The following TNPO2 variants were observed in gnomAD, a reference collection of about 807,000 sequenced individuals.
TNPO2 encodes the protein transportin 2.
Under a neutral mutation model 111.1 loss-of-function variants are expected in TNPO2, and 16 were observed. The observed-to-expected ratio is 0.14, with a 90% CI of 0.10 to 0.22. TNPO2 has a LOEUF of 0.22. Among genes scored for constraint, TNPO2 ranks in the 10% least tolerant of loss-of-function variants. The pLI is 1.00. For synonymous variants in TNPO2, 481 were observed against 475.8 expected (o/e 1.01, Z -0.14); for missense variants, 530 against 1,173.7 (o/e 0.45, Z 8.01).
chr19:12,702,381 C>CT lies in TNPO2; in HGVS notation c.2306-205dup. 1.4e-6 allele frequency: 1 copy of CT among 691,300 alleles called. No individual in the cohort carries two copies. Among genetic ancestry groups the CT allele is most frequent in the Non-Finnish European group, 2.6e-6 (1 of 379,282 alleles). The allele number at this position is 691,300 out of a possible 1,614,324, so 42.8% of individuals were successfully genotyped here. A position where few individuals can be genotyped will look rare whatever the true frequency, so the allele number is the denominator to read the frequency against. On this transcript the variant is annotated intron_variant, in intron 21 of 25. Coordinates refer to ENST00000425528, the MANE Select transcript of TNPO2 (RefSeq NM_001382241.1). The surrounding 1 kb of genome is among the most constrained non-coding windows in gnomAD (Gnocchi z 5.5). ...TCTTTCTTTCTTTCCTTTCCCTTTC[C>CT]TTTTTGTTTTTTTTTGTTTTGTTTT...
chr19:12,707,822 A>T (rs563557300), intron 13 of TNPO2, among the ~76,000 whole-genome samples: 109 of 148,494 alleles, frequency 7.3e-4, no homozygotes, highest in African/African-American at 2.6e-3. Context: ...TTTTTAATTT[A>T]TTATTATTAT....
In TNPO2 at chr19:12,703,707, G is replaced by A; in HGVS notation, c.2110+7C>T. ...GTCATGGGTTAGGGACAAGGCGAGT[G>A]TCGTACCGATACAGGGCTTGACATG... On this transcript the variant is annotated splice_region_variant and intron_variant, in intron 19 of 25. Transcript: ENST00000425528. 5.6e-6 allele frequency: 9 copies of A among 1,607,302 alleles called. No individual in the cohort carries two copies. The highest frequency in any genetic ancestry group is 7.6e-6 in the Non-Finnish European group (9 of 1,176,768).
rs1372835943 is a variant in TNPO2 at position 12,702,458 on chromosome 19, G to T, written c.2306-281C>A. ...TGCCCAGGCTGGAGTGCAGTGGCAT[G>T]ATCTTGGCTCATTGCAACCTGCCTC... On this transcript the variant is annotated intron_variant, in intron 21 of 25. Transcript: ENST00000425528. The surrounding 1 kb of genome is among the most constrained non-coding windows in gnomAD (Gnocchi z 5.5). The T allele has an allele frequency of 1.5e-4, 92 of 600,182 alleles. No individual in the cohort carries two copies. Among genetic ancestry groups the T allele is most frequent in the Non-Finnish European group, 2.0e-4 (66 of 327,840 alleles). 37.2% of individuals were successfully genotyped at this position (600,182 alleles called of 1,614,324 possible).
intron 10 of TNPO2, among the ~76,000 whole-genome samples, chr19:12,712,250 GCCCGTTA>G (rs2026101168): frequency 6.6e-6 from 1 of 152,196 alleles, no homozygotes; most frequent in African/African-American, 2.4e-5. Flanking sequence ...CTGGGAAGAC[GCCCGTTA>G]CCAGGCGGAT....
intron 13 of TNPO2, 125 bp downstream of exon 13, chr19:12,710,496 C>T (rs2025973778): frequency 8.6e-7 from 1 of 1,165,338 alleles, no homozygotes; most frequent in Admixed American, 2.8e-5. Context: ...GAATTGAGAT[C>T]TCAGAGCTGT....
chr19:12,701,916 T>C lies in TNPO2; in HGVS notation c.2412-65A>G. 2.7e-6 allele frequency: 4 copies of C among 1,487,384 alleles called. No individual in the cohort carries two copies. The highest frequency in any genetic ancestry group is 3.7e-6 in the Non-Finnish European group (4 of 1,067,494). The allele number at this position is 1,487,384 out of a possible 1,614,324, so 92.1% of individuals were successfully genotyped here. A position where few individuals can be genotyped will look rare whatever the true frequency, so the allele number is the denominator to read the frequency against. On this transcript the variant is annotated intron_variant, in intron 22 of 25. Coordinates refer to ENST00000425528, the MANE Select transcript of TNPO2 (RefSeq NM_001382241.1). The surrounding 1 kb of genome is among the most constrained non-coding windows in gnomAD (Gnocchi z 5.0). The stretch of plus-strand genomic sequence containing the variant: ...GGGCATGCATCTGTGGAGGGCTGGG[T>C]CACTGGGGATCAGTGAGTGGGCCTG...
In TNPO2 at chr19:12,719,466, A is replaced by C. The variant is rs1425315215; in HGVS notation, c.100-130T>G. 1 of 757,254 alleles carries C rather than the reference A, an allele frequency of 1.3e-6. No individual in the cohort carries two copies. Among genetic ancestry groups the C allele is most frequent in the African/African-American group, 1.7e-5 (1 of 57,624 alleles). The allele number at this position is 757,254 out of a possible 1,614,324, so 46.9% of individuals were successfully genotyped here. A position where few individuals can be genotyped will look rare whatever the true frequency, so the allele number is the denominator to read the frequency against. ...TCCTGGGGGATCCCGCTCCCTAATA[A>C]GCCCACAATGACACAGAGCACCTCA... On this transcript the variant is annotated intron_variant, in intron 3 of 25. Coordinates refer to ENST00000425528, the MANE Select transcript of TNPO2 (RefSeq NM_001382241.1). The surrounding 1 kb of genome is among the most constrained non-coding windows in gnomAD (Gnocchi z 5.0).
rs2026022399 is a variant in TNPO2 at position 12,711,200 on chromosome 19, AGCTT to A, written c.1117+92_1117+95del. 1.5e-5 allele frequency: 22 copies of A among 1,506,822 alleles called. 1 individual carries two copies. The South Asian group carries it at 2.5e-4, about 17-fold the overall frequency. The allele number at this position is 1,506,822 out of a possible 1,614,324, so 93.3% of individuals were successfully genotyped here. A position where few individuals can be genotyped will look rare whatever the true frequency, so the allele number is the denominator to read the frequency against. On this transcript the variant is annotated intron_variant, in intron 12 of 25. Coordinates refer to ENST00000425528, the MANE Select transcript of TNPO2 (RefSeq NM_001382241.1). ...TAAGCCACTGCGCCCGGCCACGATC[AGCTT>A]CTAATCAGCTTCTGCCTCAGCTTCT...
At position 12,715,164 on chromosome 19, in the gene TNPO2, T is replaced by C. The variant is rs772845025; in HGVS notation, c.654A>G (p.Leu218=). ...MDNIDTFIEH[L]FALAVDDDPE... ...GGTCATCATCCACAGCCAGGGCAAA[T>C]AGGTGCTGCAGGGAGGAACAGGGTC... The change falls in exon 9 of 26, where the codon CTA becomes CTG. Residue 218 remains leucine, a synonymous_variant. Coordinates refer to ENST00000425528, the MANE Select transcript of TNPO2 (RefSeq NM_001382241.1). The surrounding 1 kb of genome is among the most constrained non-coding windows in gnomAD (Gnocchi z 7.1). 23 of 1,609,552 alleles carry C rather than the reference T, an allele frequency of 1.4e-5. No homozygotes were observed. Among genetic ancestry groups the C allele is most frequent in the Non-Finnish European group, 1.9e-5 (22 of 1,176,922 alleles).
chr19:12,706,432 A>C lies in TNPO2; in HGVS notation c.1497-65T>G. ...TGGCAGGTGACACTGGGCCATGGGCAGTTGGGGAGGGCAACTCAGGATCAG... is the reference window on the plus strand; with the variant it reads ...TGGCAGGTGACACTGGGCCATGGGCCGTTGGGGAGGGCAACTCAGGATCAG... On this transcript the variant is annotated intron_variant, in intron 14 of 25. Coordinates refer to ENST00000425528, the MANE Select transcript of TNPO2 (RefSeq NM_001382241.1). This position sits in a 1 kb window ranked among gnomAD's most constrained non-coding sequence, Gnocchi z 7.0. 1 of 1,602,716 alleles carries C rather than the reference A, an allele frequency of 6.2e-7. No individual in the cohort carries two copies. The highest frequency in any genetic ancestry group is 8.5e-7 in the Non-Finnish European group (1 of 1,170,154).
In TNPO2 at chr19:12,719,379, C is replaced by G. The variant is rs45603335; in HGVS notation, c.100-43G>C. 1.9e-6 allele frequency: 3 copies of G among 1,556,782 alleles called. No homozygotes were observed. The highest frequency in any genetic ancestry group is 1.7e-5 in the Admixed American group (1 of 58,720). On this transcript the variant is annotated intron_variant, in intron 3 of 25. Coordinates refer to ENST00000425528, the MANE Select transcript of TNPO2 (RefSeq NM_001382241.1). This position sits in a 1 kb window ranked among gnomAD's most constrained non-coding sequence, Gnocchi z 5.0. ...GACTTGGAAGACAGAGGCCTTCCCCCAGCCAGGTCCCCTCATTATGTACCT... is the reference window on the plus strand; with the variant it reads ...GACTTGGAAGACAGAGGCCTTCCCCGAGCCAGGTCCCCTCATTATGTACCT...
Position 12,701,993 on chromosome 19 carries a change from G to A in TNPO2, c.2411+79C>T, listed in dbSNP as rs2025339461. 13 of 1,481,648 alleles carry A rather than the reference G, an allele frequency of 8.8e-6. No homozygotes were observed. Among genetic ancestry groups the A allele is most frequent in the Non-Finnish European group, 1.2e-5 (13 of 1,061,230 alleles). The allele number at this position is 1,481,648 out of a possible 1,614,324, so 91.8% of individuals were successfully genotyped here. A position where few individuals can be genotyped will look rare whatever the true frequency, so the allele number is the denominator to read the frequency against. On this transcript the variant is annotated intron_variant, in intron 22 of 25. Coordinates refer to ENST00000425528, the MANE Select transcript of TNPO2 (RefSeq NM_001382241.1). The surrounding 1 kb of genome is among the most constrained non-coding windows in gnomAD (Gnocchi z 5.0). Reference sequence around the variant, plus strand: ...GGGCAGGGAGTCAGTAGGCAGATGGGGCTGGAAATGCACAGGCGAGGGAGG... The same window carrying A: ...GGGCAGGGAGTCAGTAGGCAGATGGAGCTGGAAATGCACAGGCGAGGGAGG...
In TNPO2 at chr19:12,706,807, G is replaced by A. The variant is rs369106958; in HGVS notation, c.1271-12C>T. Reference sequence around the variant, plus strand: ...GCCCTGCATGCAGCCTACAAGGAAAGGGAACCAAGAGGGGGCAGTTTGATT... The same window carrying A: ...GCCCTGCATGCAGCCTACAAGGAAAAGGAACCAAGAGGGGGCAGTTTGATT... On this transcript the variant is annotated splice_polypyrimidine_tract_variant and intron_variant, in intron 13 of 25. Transcript: ENST00000425528. This position sits in a 1 kb window ranked among gnomAD's most constrained non-coding sequence, Gnocchi z 7.0. 2.9e-5 allele frequency: 46 copies of A among 1,590,778 alleles called. No individual in the cohort carries two copies. The East Asian group carries it at 6.0e-4, about 21-fold the overall frequency.
chr19:12,711,741 C>A (rs2026061284), intron 10 of TNPO2, 128 bp from the exon 11 acceptor site: 1 of 727,124 alleles, frequency 1.4e-6, no homozygotes, highest in Non-Finnish European at 2.4e-6. Context: ...ACAGAGCAGA[C>A]CCTGCAGAGC....
chr19:12,703,995 C>T (rs2025481018), intron 18 of TNPO2, among the ~76,000 whole-genome samples, 194 bp from the exon 19 acceptor site: 2 of 152,188 alleles, frequency 1.3e-5, no homozygotes, highest in Admixed American at 6.5e-5. Flanking sequence ...GGTCATCCCT[C>T]AGTGTCCGTG....
Position 12,706,085 on chromosome 19 carries a change from G to GC in TNPO2, c.1668+110dup. 1 of 1,250,874 alleles carries GC rather than the reference G, an allele frequency of 8.0e-7. No homozygotes were observed. The highest frequency in any genetic ancestry group is 1.1e-6 in the Non-Finnish European group (1 of 907,456). The allele number at this position is 1,250,874 out of a possible 1,614,324, so 77.5% of individuals were successfully genotyped here. The stretch of plus-strand genomic sequence containing the variant: ...AGGGCGGGGCCGGGTCTGTCTGTCT[G>GC]CCTGTCGAGGTCACGGCCACGTCCC... On this transcript the variant is annotated intron_variant, in intron 15 of 25. Coordinates refer to ENST00000425528, the MANE Select transcript of TNPO2 (RefSeq NM_001382241.1). The surrounding 1 kb of genome is among the most constrained non-coding windows in gnomAD (Gnocchi z 7.0).
Position 12,710,699 on chromosome 19 carries a change from G to A in TNPO2, c.1192C>T (p.Leu398=). Residue 398 remains leucine (L), a synonymous_variant, in exon 13 of 26, where the codon CTA becomes TTA. Transcript: ENST00000425528. ...GGGTGGAAGAGGAGGCCTTTGAGTA[G>A]TGGGAGTAGGTGGGGCAGCAGTTCC... The part of the protein sequence containing the change: ...REELLPHLLP[L]LKGLLFHPEW... 6.2e-7 allele frequency: 1 copy of A among 1,613,662 alleles called. No homozygotes were observed. Among genetic ancestry groups the A allele is most frequent in the Non-Finnish European group, 8.5e-7 (1 of 1,179,772 alleles).
rs760653839 is a variant in TNPO2 at position 12,719,709 on chromosome 19, G to GA, written c.100-374dup. 4.6e-5 allele frequency among the ~76,000 whole-genome samples: 7 copies of GA among 151,894 alleles called. No individual in the cohort carries two copies. The highest frequency in any genetic ancestry group is 7.4e-5 in the Non-Finnish European group (5 of 68,002). ...AACTACTTGGGAGGCTGACGCAGGG[G>GA]AATCGCTTGAACCCAGCAGGTGAAG... is the stretch of plus-strand genomic sequence containing the variant. On this transcript the variant is annotated intron_variant, in intron 3 of 25. Coordinates refer to ENST00000425528, the MANE Select transcript of TNPO2 (RefSeq NM_001382241.1). The surrounding 1 kb of genome is among the most constrained non-coding windows in gnomAD (Gnocchi z 5.0).
chr19:12,703,122 A>C, intron 20 of TNPO2: 2 of 594,966 alleles, frequency 3.4e-6, no homozygotes, highest in Non-Finnish European at 5.9e-6. Context: ...TCCAAACAAC[A>C]GAGGCTTCTC....
Sources: allele counts gnomAD v4.1 joint callset (sites outside exome capture counted in the v4.1 genomes callset), GRCh38; gene constraint gnomAD v4.1.1; non-coding constraint Gnocchi (gnomAD v3.1); transcripts MANE v1.5; gene names NCBI Gene and HGNC (gene_info 2026-07-23, HGNC 2026-07-21).